The following KIAA1549L variants were observed in gnomAD, a reference collection of about 807,000 sequenced individuals.
KIAA1549L encodes KIAA1549 like.
In KIAA1549L, 88 loss-of-function variants were observed where a neutral mutation model predicts 160.7. That is an observed-to-expected ratio of 0.55 (90% CI 0.46 to 0.65). KIAA1549L has a LOEUF of 0.65. KIAA1549L is among the 30% of genes least tolerant of loss of function. KIAA1549L has a pLI of 0.00. For missense variants in KIAA1549L, 2,258 were observed against 2,437.5 expected, an observed-to-expected ratio of 0.93 and a Z score of 1.55; for synonymous variants, 950 against 976.7, an observed-to-expected ratio of 0.97 and a Z score of 0.51.
intron 1 of KIAA1549L, among the ~76,000 whole-genome samples, chr11:33,431,912 C>T (rs992828218): frequency 3.9e-5 from 6 of 152,242 alleles, no homozygotes; most frequent in African/African-American, 9.6e-5. Context: ...TAAGGCCCGA[C>T]GAGAAATCGA....
At chr11:33,399,149 C>T (rs1850447557) in intron 1 of KIAA1549L, among the ~76,000 whole-genome samples, 1 of 152,102 alleles carries the variant, frequency 6.6e-6, no homozygotes, top group African/African-American at 2.4e-5. Context: ...GACAGGGTTT[C>T]ACCATGTTGG....
intron 11 of KIAA1549L, among the ~76,000 whole-genome samples, chr11:33,588,115 C>A (rs1392558452): frequency 1.3e-5 from 2 of 152,188 alleles, no homozygotes; most frequent in African/African-American, 4.8e-5. Flanking sequence ...CATGATAATA[C>A]CTACCTTCTT....
Position 33,613,711 on chromosome 11 carries a change from G to A in KIAA1549L, c.5279+3745G>A, listed in dbSNP as rs150670847. Among the ~76,000 whole-genome samples, 118 of 152,204 alleles carry A rather than the reference G, an allele frequency of 7.8e-4. 1 individual carries two copies. Among genetic ancestry groups the A allele is most frequent in the African/African-American group, 2.8e-3 (115 of 41,516 alleles). Reference sequence around the variant, plus strand: ...GGGATTACATTTCAACATGAGATATGGGTGGAGACAAATATCCAAACTAGA... The same window carrying A: ...GGGATTACATTTCAACATGAGATATAGGTGGAGACAAATATCCAAACTAGA... On this transcript the variant is annotated intron_variant, in intron 15 of 20. Coordinates refer to ENST00000658780, the MANE Select transcript of KIAA1549L (RefSeq NM_012194.3).
At chr11:33,509,119 A>G (rs2133102319) in intron 1 of KIAA1549L, among the ~76,000 whole-genome samples, 1 of 152,258 alleles carries the variant, frequency 6.6e-6, no homozygotes, top group East Asian at 1.9e-4. Context: ...CACTTTCTGC[A>G]CTCACTGCAT....
At chr11:33,474,244 C>A (rs1163279118) in intron 1 of KIAA1549L, among the ~76,000 whole-genome samples, 1 of 152,182 alleles carries the variant, frequency 6.6e-6, no homozygotes. Context: ...GGACAAACAC[C>A]CAAACTATAT....
At chr11:33,637,451 A>C (rs533386841) in intron 16 of KIAA1549L, among the ~76,000 whole-genome samples, 8 of 152,196 alleles carry the variant, frequency 5.3e-5, no homozygotes, top group Non-Finnish European at 1.2e-4. Context: ...ATGGCCTTTA[A>C]GACCCTGCAT....
At chr11:33,655,638 T>C (rs942286803) in intron 17 of KIAA1549L, among the ~76,000 whole-genome samples, 1 of 152,174 alleles carries the variant, frequency 6.6e-6, no homozygotes, top group African/African-American at 2.4e-5. Flanking sequence ...AGAGTGATCG[T>C]TGCCATGATG....
intron 1 of KIAA1549L, among the ~76,000 whole-genome samples, chr11:33,483,200 C>T (rs1852449461): frequency 6.6e-6 from 1 of 152,062 alleles, no homozygotes; most frequent in African/African-American, 2.4e-5. Context: ...TTAATAGTGC[C>T]ATCGTTCTAG....
intron 1 of KIAA1549L, among the ~76,000 whole-genome samples, chr11:33,518,372 A>C (rs1853404050): frequency 6.6e-6 from 1 of 152,112 alleles, no homozygotes; most frequent in Non-Finnish European, 1.5e-5. Flanking sequence ...GGGGAATTGC[A>C]AGCAGAATCC....
chr11:33,393,655 T>C (rs1850314261), intron 1 of KIAA1549L, among the ~76,000 whole-genome samples: 1 of 152,168 alleles, frequency 6.6e-6, no homozygotes, highest in Admixed American at 6.5e-5. Flanking sequence ...AACCGAGGCA[T>C]GTTGCCTCCC....
At chr11:33,664,687 G>A (rs1852381636) in intron 20 of KIAA1549L, among the ~76,000 whole-genome samples, 1 of 152,208 alleles carries the variant, frequency 6.6e-6, no homozygotes, top group African/African-American at 2.4e-5. Context: ...AAAGACAGCT[G>A]TCTCTGAACC....
chr11:33,653,174 G>A (rs1316703332), intron 17 of KIAA1549L, among the ~76,000 whole-genome samples: 1 of 152,158 alleles, frequency 6.6e-6, no homozygotes, highest in Non-Finnish European at 1.5e-5. Context: ...GGTGATGGGG[G>A]ACTACTGTAA....
At chr11:33,504,839 T>C (rs1853043098) in intron 1 of KIAA1549L, among the ~76,000 whole-genome samples, 1 of 152,182 alleles carries the variant, frequency 6.6e-6, no homozygotes, top group African/African-American at 2.4e-5. Flanking sequence ...CAATTATGGC[T>C]CACTGCAGCC....
At position 33,561,753 on chromosome 11, in the gene KIAA1549L, A is replaced by G. The variant is rs945680062; in HGVS notation, c.4078+18A>G. 9 of 1,541,432 alleles carry G rather than the reference A, an allele frequency of 5.8e-6. No homozygotes were observed. Among genetic ancestry groups the G allele is most frequent in the Non-Finnish European group, 8.1e-6 (9 of 1,114,560 alleles). The stretch of plus-strand genomic sequence containing the variant: ...AATTACAGGTAATCTCTTATTTTGT[A>G]ATTTCCCCTCTTCATGCTGTCAGAT... On this transcript the variant is annotated intron_variant, in intron 8 of 20. Coordinates refer to ENST00000658780, the MANE Select transcript of KIAA1549L (RefSeq NM_012194.3).
chr11:33,649,476 GGTAATAGA>G, intron 17 of KIAA1549L, among the ~76,000 whole-genome samples: 1 of 148,924 alleles, frequency 6.7e-6, no homozygotes, highest in East Asian at 2.0e-4. Flanking sequence ...CTCCAGCCTG[GGTAATAGA>G]GCAAGACCTT....
At chr11:33,431,912 C>A (rs992828218) in intron 1 of KIAA1549L, among the ~76,000 whole-genome samples, 1 of 152,244 alleles carries the variant, frequency 6.6e-6, no homozygotes, top group Non-Finnish European at 1.5e-5. Flanking sequence ...TAAGGCCCGA[C>A]GAGAAATCGA....
intron 6 of KIAA1549L, among the ~76,000 whole-genome samples, chr11:33,558,191 G>A (rs537596967): frequency 1.9e-4 from 29 of 152,288 alleles, no homozygotes; most frequent in African/African-American, 7.0e-4. Flanking sequence ...GTCTGGGAAA[G>A]ACAGGGTGTT....
chr11:33,470,433 T>C (rs1040575740), intron 1 of KIAA1549L, among the ~76,000 whole-genome samples: 1 of 151,936 alleles, frequency 6.6e-6, no homozygotes, highest in Non-Finnish European at 1.5e-5. Context: ...TTATAGTAAG[T>C]GTTTGTTTGT....
At chr11:33,614,899 C>T (rs1253795367) in intron 15 of KIAA1549L, among the ~76,000 whole-genome samples, 1 of 151,900 alleles carries the variant, frequency 6.6e-6, no homozygotes, top group East Asian at 1.9e-4. Flanking sequence ...GCATGAGCCA[C>T]AGTGCCGGGC....
Sources: gnomAD v4.1 joint callset for allele counts (sites outside exome capture counted in the v4.1 genomes callset) on GRCh38, gnomAD v4.1.1 for gene constraint, MANE v1.5 for transcripts, NCBI Gene and HGNC (gene_info 2026-07-23, HGNC 2026-07-21) for gene names.